The following UNC5C variants were observed in gnomAD, a reference collection of about 807,000 sequenced individuals.
UNC5C encodes netrin receptor UNC5C.
In UNC5C, 47 loss-of-function variants were observed where a neutral mutation model predicts 99.8. That is an observed-to-expected ratio of 0.47 (90% CI 0.37 to 0.60). UNC5C has a LOEUF of 0.60. Ranked by LOEUF, UNC5C falls within the 20% of genes least tolerant of loss-of-function variation. The pLI, the probability that UNC5C is intolerant of heterozygous loss-of-function variation, is 0.00. For missense variants in UNC5C, 1,062 were observed against 1,165.9 expected (o/e 0.91, Z 1.30); for synonymous variants, 487 against 452.2 (o/e 1.08, Z -0.98).
At chr4:95,203,988 C>T (rs2149361146) in intron 11 of UNC5C, among the ~76,000 whole-genome samples, 1 of 144,898 alleles carries the variant, frequency 6.9e-6, no homozygotes, top group South Asian at 2.4e-4. Flanking sequence ...GGACATGGTA[C>T]TTGGTGTCAG....
At chr4:95,311,146 C>T (rs562581611) in intron 2 of UNC5C, among the ~76,000 whole-genome samples, 1 of 152,080 alleles carries the variant, frequency 6.6e-6, no homozygotes, top group South Asian at 2.1e-4. Context: ...ACCTTACAAG[C>T]ACTAGCTGTC....
At chr4:95,483,060 T>TA (rs70948417) in intron 1 of UNC5C, among the ~76,000 whole-genome samples, 4,442 of 142,778 alleles carry the variant, frequency 0.031, 237 homozygotes, top group African/African-American at 0.11. Flanking sequence ...CATGCAGTAA[T>TA]AAAAAAAAAA....
chr4:95,180,692 G>A (rs1185211921), intron 14 of UNC5C, among the ~76,000 whole-genome samples: 2 of 152,200 alleles, frequency 1.3e-5, no homozygotes, highest in Admixed American at 6.5e-5. Context: ...CAAGGGCTGT[G>A]TAGCTTTATA....
chr4:95,451,130 T>C (rs1209150387), intron 1 of UNC5C, among the ~76,000 whole-genome samples: 1 of 152,206 alleles, frequency 6.6e-6, no homozygotes, highest in Non-Finnish European at 1.5e-5. Context: ...TTGTAGCATT[T>C]AGAAGTCACT....
chr4:95,267,185 TAAA>T (rs1433713904), intron 4 of UNC5C, among the ~76,000 whole-genome samples: 1 of 152,216 alleles, frequency 6.6e-6, no homozygotes, highest in African/African-American at 2.4e-5. Flanking sequence ...GATATAATTT[TAAA>T]AAAGGACAAC....
chr4:95,457,672 T>C (rs1747481380), intron 1 of UNC5C, among the ~76,000 whole-genome samples: 1 of 151,844 alleles, frequency 6.6e-6, no homozygotes, highest in African/African-American at 2.4e-5. Context: ...TCACAGATCT[T>C]GGAGAGAGAG....
intron 1 of UNC5C, among the ~76,000 whole-genome samples, chr4:95,476,992 TG>T (rs1748169403): frequency 6.6e-6 from 1 of 152,078 alleles, no homozygotes. Context: ...GAATTATGAT[TG>T]TTTGTGACTA....
chr4:95,255,567 C>T (rs749195394), intron 4 of UNC5C, among the ~76,000 whole-genome samples: 17 of 152,160 alleles, frequency 1.1e-4, no homozygotes, highest in Non-Finnish European at 2.2e-4. Context: ...GTCCTCACCC[C>T]CATCTGCACC....
At chr4:95,354,603 A>C (rs2149431178) in intron 1 of UNC5C, among the ~76,000 whole-genome samples, 1 of 150,862 alleles carries the variant, frequency 6.6e-6, no homozygotes, top group African/African-American at 2.4e-5. Flanking sequence ...CCTCAGCCTT[A>C]TTTGAGTACT....
chr4:95,528,506 C>T (rs1010743319), intron 1 of UNC5C, among the ~76,000 whole-genome samples: 2 of 152,092 alleles, frequency 1.3e-5, no homozygotes, highest in Non-Finnish European at 2.9e-5. Flanking sequence ...TTTTAAAAGA[C>T]GTAAAACTGT....
At chr4:95,494,308 T>C (rs1413387623) in intron 1 of UNC5C, among the ~76,000 whole-genome samples, 1 of 151,562 alleles carries the variant, frequency 6.6e-6, no homozygotes, top group African/African-American at 2.4e-5. Flanking sequence ...GTGTTGGATA[T>C]GTAAAGATAT....
At chr4:95,439,911 G>C (rs535629968) in intron 1 of UNC5C, among the ~76,000 whole-genome samples, 1 of 152,260 alleles carries the variant, frequency 6.6e-6, no homozygotes, top group East Asian at 1.9e-4. Flanking sequence ...AGGTTGAAAT[G>C]TTAGAAAAGG....
intron 1 of UNC5C, among the ~76,000 whole-genome samples, chr4:95,448,985 G>A (rs1260414229): frequency 3.9e-5 from 6 of 152,040 alleles, no homozygotes; most frequent in Admixed American, 3.9e-4. Context: ...GGCTACGCCA[G>A]GTAAGACCCC....
intron 1 of UNC5C, among the ~76,000 whole-genome samples, chr4:95,503,513 G>A (rs1721832451): frequency 6.6e-6 from 1 of 151,772 alleles, no homozygotes; most frequent in African/African-American, 2.4e-5. Context: ...GTAATTTATT[G>A]TCTATTAGAG....
At chr4:95,512,392 C>T (rs1722099969) in intron 1 of UNC5C, among the ~76,000 whole-genome samples, 1 of 152,038 alleles carries the variant, frequency 6.6e-6, no homozygotes, top group African/African-American at 2.4e-5. Context: ...TATTTTCAAC[C>T]AAACAATAAG....
chr4:95,536,083 T>TATATA (rs1553907044), intron 1 of UNC5C, among the ~76,000 whole-genome samples: 11 of 57,916 alleles, frequency 1.9e-4, no homozygotes, highest in Admixed American at 1.9e-3. Flanking sequence ...TATATATATA[T>TATATA]TTTTTTTTTT....
chr4:95,430,066 T>G (rs978764670), intron 1 of UNC5C, among the ~76,000 whole-genome samples: 1 of 152,180 alleles, frequency 6.6e-6, no homozygotes, highest in East Asian at 1.9e-4. Flanking sequence ...ATACTTTGTA[T>G]GATACTATAA....
intron 1 of UNC5C, among the ~76,000 whole-genome samples, chr4:95,392,442 T>A (rs202099074): frequency 0.014 from 1,310 of 95,184 alleles, 21 homozygotes; most frequent in African/African-American, 0.067. Flanking sequence ...TTTTTTTTTT[T>A]TTAAAAAAAA....
At chr4:95,424,303 T>C (rs1168361310) in intron 1 of UNC5C, among the ~76,000 whole-genome samples, 1 of 149,938 alleles carries the variant, frequency 6.7e-6, no homozygotes, top group African/African-American at 2.4e-5. Flanking sequence ...GAAGCCAAAA[T>C]TGAAATACCA....
Sources: gnomAD v4.1 joint callset for allele counts (sites outside exome capture counted in the v4.1 genomes callset) on GRCh38, gnomAD v4.1.1 for gene constraint, MANE v1.5 for transcripts, NCBI Gene and HGNC (gene_info 2026-07-23, HGNC 2026-07-21) for gene names.